ZFPM2: variants seen among roughly 807,000 people sequenced by gnomAD.
ZFPM2 encodes the protein zinc finger protein ZFPM2.
Under a neutral mutation model 98.6 loss-of-function variants are expected in ZFPM2, and 20 were observed. The observed-to-expected ratio is 0.20, with a 90% CI of 0.14 to 0.29. The LOEUF (loss-of-function observed/expected upper bound fraction) is 0.29. Ranked by LOEUF, ZFPM2 falls within the 10% of genes least tolerant of loss-of-function variation. The pLI is 1.00. For missense variants in ZFPM2, 1,310 were observed against 1,388.6 expected (o/e 0.94, Z 0.90); for synonymous variants, 518 against 502.7 (o/e 1.03, Z -0.41).
chr8:105,430,708 G>C (rs931024997), intron 2 of ZFPM2, among the ~76,000 whole-genome samples: 15 of 152,244 alleles, frequency 9.9e-5, no homozygotes, highest in African/African-American at 3.6e-4. Context: ...AATGCGTCTT[G>C]TGATAACTTA....
intron 3 of ZFPM2, among the ~76,000 whole-genome samples, chr8:105,556,428 T>C (rs1237429476): frequency 1.3e-5 from 2 of 152,206 alleles, no homozygotes; most frequent in Non-Finnish European, 2.9e-5. Context: ...TGCCTTTGCA[T>C]ATTGTTAATC....
At chr8:105,797,612 G>C (rs183262756) in intron 6 of ZFPM2, among the ~76,000 whole-genome samples, 2 of 152,034 alleles carry the variant, frequency 1.3e-5, no homozygotes, top group African/African-American at 4.8e-5. Context: ...ATCATGCTCC[G>C]TGCCTCAACA....
At chr8:105,325,068 G>A (rs1266452173) in intron 1 of ZFPM2, among the ~76,000 whole-genome samples, 4 of 151,714 alleles carry the variant, frequency 2.6e-5, no homozygotes, top group Non-Finnish European at 4.4e-5. Flanking sequence ...GGACTAGTAG[G>A]ATATTTCAGA....
intron 1 of ZFPM2, among the ~76,000 whole-genome samples, chr8:105,388,521 G>T (rs1228656089): frequency 1.4e-4 from 22 of 152,156 alleles, no homozygotes; most frequent in Admixed American, 1.4e-3. Context: ...GAAGCCTTCT[G>T]GGGGGTGATG....
intron 4 of ZFPM2, among the ~76,000 whole-genome samples, chr8:105,570,303 G>T (rs1489691712): frequency 6.6e-6 from 1 of 151,114 alleles, no homozygotes. Flanking sequence ...TTGTTTTATT[G>T]ATTTTTATTT....
intron 1 of ZFPM2, among the ~76,000 whole-genome samples, chr8:105,416,047 C>T (rs1168202716): frequency 4.0e-5 from 6 of 151,408 alleles, no homozygotes; most frequent in Non-Finnish European, 8.8e-5. Flanking sequence ...CTTGGAATTG[C>T]AAAGGAATAG....
intron 1 of ZFPM2, among the ~76,000 whole-genome samples, chr8:105,357,711 T>C (rs1237559050): frequency 1.3e-5 from 2 of 152,186 alleles, no homozygotes; most frequent in East Asian, 3.9e-4. Flanking sequence ...TAAATAGAGA[T>C]AAACCATCAG....
chr8:105,319,336 T>C (rs1028165780), intron 1 of ZFPM2, among the ~76,000 whole-genome samples: 2 of 152,186 alleles, frequency 1.3e-5, no homozygotes, highest in Non-Finnish European at 2.9e-5. Context: ...ATTATTGTTG[T>C]TGTCATTGCT....
At chr8:105,784,338 T>A (rs1813349225) in intron 5 of ZFPM2, among the ~76,000 whole-genome samples, 1 of 128,412 alleles carries the variant, frequency 7.8e-6, no homozygotes, top group African/African-American at 5.0e-5. Context: ...TCCACAATAG[T>A]TGGTGATCCA....
intron 3 of ZFPM2, among the ~76,000 whole-genome samples, chr8:105,542,210 ATTT>A (rs1444691175): frequency 6.6e-6 from 1 of 152,172 alleles, no homozygotes; most frequent in Non-Finnish European, 1.5e-5. Flanking sequence ...CGCAATACAT[ATTT>A]AAAAGAGAAA....
intron 5 of ZFPM2, chr8:105,782,309 A>ATG (rs1813273256): frequency 6.6e-6 from 1 of 152,206 alleles, no homozygotes; most frequent in Admixed American, 6.5e-5. Context: ...ATTTGAAGTG[A>ATG]TGTGGGTAAT....
At chr8:105,676,922 T>A (rs1810483514) in intron 5 of ZFPM2, among the ~76,000 whole-genome samples, 1 of 152,084 alleles carries the variant, frequency 6.6e-6, no homozygotes, top group African/African-American at 2.4e-5. Flanking sequence ...TTAATTAATA[T>A]AGATTCATTT....
intron 4 of ZFPM2, among the ~76,000 whole-genome samples, chr8:105,599,585 G>A (rs1033162959): frequency 6.6e-6 from 1 of 151,980 alleles, no homozygotes; most frequent in Non-Finnish European, 1.5e-5. Context: ...GGAAGGATTA[G>A]CACTGACTTG....
chr8:105,793,673 C>T lies in ZFPM2; in HGVS notation c.739+4749C>T, dbSNP rs1480953209. 2.6e-5 allele frequency among the ~76,000 whole-genome samples: 4 copies of T among 152,282 alleles called. No homozygotes were observed. The East Asian group carries it at 7.7e-4, about 29-fold the overall frequency. ...GGAAGTTCTCCTGGATAATATCCTG[C>T]AGAGTGTTTTCCAACTTGGTTCCAT... On this transcript the variant is annotated intron_variant, in intron 6 of 7. Coordinates refer to ENST00000407775, the MANE Select transcript of ZFPM2 (RefSeq NM_012082.4).
At chr8:105,702,743 G>A (rs985606721) in intron 5 of ZFPM2, among the ~76,000 whole-genome samples, 4 of 152,128 alleles carry the variant, frequency 2.6e-5, no homozygotes, top group African/African-American at 7.2e-5. Context: ...TAGAAAAATC[G>A]GATCATGGAT....
intron 2 of ZFPM2, among the ~76,000 whole-genome samples, chr8:105,438,983 C>A (rs1586372382): frequency 6.6e-6 from 1 of 151,930 alleles, no homozygotes; most frequent in Non-Finnish European, 1.5e-5. Flanking sequence ...TTGCCTATTT[C>A]CCCAACTAGA....
At chr8:105,427,476 A>T (rs921633960) in intron 2 of ZFPM2, among the ~76,000 whole-genome samples, 1 of 152,192 alleles carries the variant, frequency 6.6e-6, no homozygotes, top group Non-Finnish European at 1.5e-5. Flanking sequence ...TTTTTGAGGC[A>T]TGTTAAGCTT....
chr8:105,675,616 G>C (rs1810430708), intron 5 of ZFPM2, among the ~76,000 whole-genome samples: 2 of 152,064 alleles, frequency 1.3e-5, no homozygotes, highest in Non-Finnish European at 1.5e-5. Flanking sequence ...GAAAGAAGGG[G>C]CTGCCTCAAC....
At chr8:105,739,077 A>C (rs138379787) in intron 5 of ZFPM2, among the ~76,000 whole-genome samples, 1 of 152,208 alleles carries the variant, frequency 6.6e-6, no homozygotes, top group Admixed American at 6.5e-5. Flanking sequence ...AAGTAAGCAA[A>C]AAGAAATAAA....
Sources: allele counts gnomAD v4.1 joint callset (sites outside exome capture counted in the v4.1 genomes callset), GRCh38; gene constraint gnomAD v4.1.1; transcripts MANE v1.5; gene names NCBI Gene and HGNC (gene_info 2026-07-23, HGNC 2026-07-21).